STARD13: variants seen among roughly 807,000 people sequenced by gnomAD.
STARD13 encodes stAR-related lipid transfer protein 13.
Under a neutral mutation model 106.4 loss-of-function variants are expected in STARD13, and 62 were observed. That is an observed-to-expected ratio of 0.58 (90% confidence interval 0.48 to 0.72). STARD13 has a LOEUF of 0.72. Among genes scored for constraint, STARD13 ranks in the 30% least tolerant of loss-of-function variants. The pLI, the probability that STARD13 is intolerant of heterozygous loss-of-function variation, is 0.00. For missense variants in STARD13, 1,387 were observed against 1,424.0 expected (o/e 0.97, Z 0.42); for synonymous variants, 565 against 553.0 (o/e 1.02, Z -0.31).
chr13:33,290,351 C>T (rs9537022), upstream of STARD13, among the ~76,000 whole-genome samples: 23,914 of 152,206 alleles, frequency 0.16, 2,375 homozygotes, highest in Non-Finnish European at 0.22. Flanking sequence ...GGGTTGATGT[C>T]AAAGCCTTCC....
the STARD13 span, among the ~76,000 whole-genome samples, chr13:33,367,765 G>A: frequency 6.6e-6 from 1 of 151,744 alleles, no homozygotes; most frequent in Admixed American, 6.6e-5. Context: ...AGGCAATTTT[G>A]GGGAAAACTC....
At chr13:33,311,210 T>C (rs557830991) in intron 1 of STARD13, among the ~76,000 whole-genome samples, 85 of 151,768 alleles carry the variant, frequency 5.6e-4, no homozygotes, top group African/African-American at 2.0e-3. Flanking sequence ...GGCGGGATGA[T>C]CTCTTGAGCC....
At chr13:33,499,607 CTT>C in the STARD13 span, among the ~76,000 whole-genome samples, 17 of 59,728 alleles carry the variant, frequency 2.8e-4, 2 homozygotes, top group Admixed American at 5.6e-4. Flanking sequence ...CTTCTTCTTT[CTT>C]CTTCTTCTTC....
chr13:33,203,353 A>G (rs1449715554), intron 1 of STARD13, among the ~76,000 whole-genome samples: 1 of 152,204 alleles, frequency 6.6e-6, no homozygotes, highest in Non-Finnish European at 1.5e-5. Flanking sequence ...TTCATATCTT[A>G]TATGCTGCTA....
the STARD13 span, among the ~76,000 whole-genome samples, chr13:33,580,220 T>G: frequency 6.6e-6 from 1 of 152,068 alleles, no homozygotes. Context: ...GGAATATTAT[T>G]CAGTGATTAT....
At chr13:33,339,663 G>A (rs980294179) in intron 1 of STARD13, among the ~76,000 whole-genome samples, 3 of 152,134 alleles carry the variant, frequency 2.0e-5, no homozygotes, top group African/African-American at 7.2e-5. Flanking sequence ...TCTTCTTTCT[G>A]TCTAGAAAGA....
At chr13:33,650,164 A>ATTTTTTTTTTTTTTTTTTTTTT in the STARD13 span, among the ~76,000 whole-genome samples, 1 of 48,358 alleles carries the variant, frequency 2.1e-5, no homozygotes. Flanking sequence ...CGTGACTCCA[A>ATTTTTTTTTTTTTTTTTTTTTT]TTTTTTTTTT....
chr13:33,675,807 A>G, the STARD13 span, among the ~76,000 whole-genome samples: 1 of 152,296 alleles, frequency 6.6e-6, no homozygotes, highest in East Asian at 1.9e-4. Flanking sequence ...CAAAAAGAAG[A>G]CTCAACATCT....
chr13:33,470,063 G>A, the STARD13 span, among the ~76,000 whole-genome samples: 16 of 151,778 alleles, frequency 1.1e-4, no homozygotes, highest in Non-Finnish European at 2.1e-4. Flanking sequence ...TCAACTCCCC[G>A]ACAGGCTCCA....
chr13:33,627,748 G>A, the STARD13 span, among the ~76,000 whole-genome samples: 2 of 152,094 alleles, frequency 1.3e-5, no homozygotes. Flanking sequence ...TTCTGAATGT[G>A]AGCACCCAAG....
chr13:33,297,935 T>A (rs1020436906), intron 1 of STARD13, among the ~76,000 whole-genome samples: 2 of 152,082 alleles, frequency 1.3e-5, no homozygotes, highest in African/African-American at 4.8e-5. Context: ...AACTCCAGTG[T>A]TCAAAATAAT....
the STARD13 span, among the ~76,000 whole-genome samples, chr13:33,387,526 T>C: frequency 6.6e-6 from 1 of 152,108 alleles, no homozygotes; most frequent in Non-Finnish European, 1.5e-5. Context: ...GCCCAGTCTG[T>C]GTTTAAGTGG....
At chr13:33,124,311 AGGT>A (rs1876818751) in intron 7 of STARD13, among the ~76,000 whole-genome samples, 1 of 152,208 alleles carries the variant, frequency 6.6e-6, no homozygotes, top group Admixed American at 6.5e-5. Context: ...GTGCATTATA[AGGT>A]GGTGACTGAC....
chr13:33,202,024 A>G (rs77889880), intron 1 of STARD13, among the ~76,000 whole-genome samples: 1 of 152,116 alleles, frequency 6.6e-6, no homozygotes. Flanking sequence ...CTACATTTTT[A>G]TGAAACCATT....
upstream of STARD13, chr13:33,355,200 C>G (rs1048820305): frequency 2.6e-5 from 4 of 152,208 alleles, no homozygotes; most frequent in African/African-American, 9.7e-5. Context: ...ACCATTGCCT[C>G]TCACAACCAC....
At chr13:33,474,229 A>AT in the STARD13 span, among the ~76,000 whole-genome samples, 1 of 152,038 alleles carries the variant, frequency 6.6e-6, no homozygotes, top group African/African-American at 2.4e-5. Flanking sequence ...TTAGTACATG[A>AT]TGTTCTTCTG....
At chr13:33,650,549 G>T in the STARD13 span, among the ~76,000 whole-genome samples, 2 of 151,024 alleles carry the variant, frequency 1.3e-5, no homozygotes, top group Admixed American at 6.7e-5. Flanking sequence ...CTTTAACTTA[G>T]AGAGATCTGA....
the STARD13 span, among the ~76,000 whole-genome samples, chr13:33,570,674 T>TACC: frequency 1.7e-5 from 2 of 120,882 alleles, no homozygotes; most frequent in African/African-American, 2.9e-5. Context: ...CACAGACAGT[T>TACC]TGCTCATTTC....
intron 1 of STARD13, among the ~76,000 whole-genome samples, chr13:33,200,950 C>T (rs765834974): frequency 7.9e-5 from 12 of 151,978 alleles, no homozygotes; most frequent in South Asian, 4.1e-4. Context: ...GGCGTGAACC[C>T]AGGAGGCGGA....
Sources: allele counts gnomAD v4.1 joint callset (sites outside exome capture counted in the v4.1 genomes callset), GRCh38; gene constraint gnomAD v4.1.1; transcripts MANE v1.5; gene names NCBI Gene and HGNC (gene_info 2026-07-23, HGNC 2026-07-21).